ZDHHC15: variants seen among roughly 807,000 people sequenced by gnomAD.
The protein encoded by ZDHHC15 is zDHHC palmitoyltransferase 15.
Under a neutral mutation model 31.7 loss-of-function variants are expected in ZDHHC15, and 19 were observed. The ratio of observed to expected loss-of-function variants is 0.60; its 90% confidence interval spans 0.42 to 0.88. ZDHHC15 has a LOEUF of 0.88. Ranked by LOEUF, ZDHHC15 falls within the 40% of genes least tolerant of loss-of-function variation. ZDHHC15 has a pLI of 0.00. For synonymous variants in ZDHHC15, 103 were observed against 90.0 expected (o/e 1.14, Z -0.82); for missense variants, 209 against 251.2 (o/e 0.83, Z 1.14).
intron 3 of ZDHHC15, among the ~76,000 whole-genome samples, chrX:75,471,504 G>A (rs756998227): frequency 7.1e-5 from 8 of 112,006 alleles, no homozygotes; most frequent in African/African-American, 2.6e-4. Context: ...AGTGGTGTGA[G>A]GCCGTCAAAA....
At chrX:75,472,944 G>T (rs2084527124) in intron 3 of ZDHHC15, among the ~76,000 whole-genome samples, 2 of 112,258 alleles carry the variant, frequency 1.8e-5, no homozygotes, top group Admixed American at 1.9e-4. Context: ...CATTTATTAG[G>T]AATGGGCAGA....
chrX:75,443,174 A>T (rs1195127929), intron 4 of ZDHHC15, among the ~76,000 whole-genome samples: 2 of 109,900 alleles, frequency 1.8e-5, no homozygotes, highest in Non-Finnish European at 3.8e-5. Flanking sequence ...AAGCCAAAAG[A>T]ACAAAGCTGG....
chrX:75,474,753 A>C (rs1430691110), intron 3 of ZDHHC15, among the ~76,000 whole-genome samples: 2 of 110,200 alleles, frequency 1.8e-5, no homozygotes, highest in Non-Finnish European at 3.8e-5. Flanking sequence ...AATTGAAATT[A>C]TTTTTTAAAA....
At position 75,467,665 on chromosome X, in the gene ZDHHC15, G is replaced by T. The variant is rs1228313939; in HGVS notation, c.258+11226C>A. The stretch of plus-strand genomic sequence containing the variant: ...CTGTCATCATCTCACCCAGGTTAGG[G>T]CTATGAAATTCCCAAACAATCAGAC... On this transcript the variant is annotated intron_variant, in intron 3 of 11. Coordinates refer to ENST00000373367, the MANE Select transcript of ZDHHC15 (RefSeq NM_144969.3). Among the ~76,000 whole-genome samples, 4 of 112,248 alleles carry T rather than the reference G, an allele frequency of 3.6e-5. 1 individual carries two copies. The highest frequency in any genetic ancestry group is 3.8e-5 in the Non-Finnish European group (2 of 53,241).
At position 75,370,221 on chromosome X, in the gene ZDHHC15, T is replaced by G. The variant is rs1034263809; in HGVS notation, c.*2757A>C. 1.8e-5 allele frequency: 2 copies of G among 111,681 alleles called. No homozygotes were observed. Among genetic ancestry groups the G allele is most frequent in the African/African-American group, 6.5e-5 (2 of 30,708 alleles). The allele number at this position is 111,681 out of a possible 1,213,427, so 9.2% of individuals were successfully genotyped here. On this transcript the variant is annotated 3_prime_UTR_variant, in exon 12 of 12. Coordinates refer to ENST00000373367, the MANE Select transcript of ZDHHC15 (RefSeq NM_144969.3). ...AGGATCCTAACAATGAGTATCTTCATTTTGCAAACGGAGAAAATGAGTATC... is the reference window on the plus strand; with the variant it reads ...AGGATCCTAACAATGAGTATCTTCAGTTTGCAAACGGAGAAAATGAGTATC...
intron 2 of ZDHHC15, among the ~76,000 whole-genome samples, chrX:75,500,274 A>G (rs1036139164): frequency 9.1e-6 from 1 of 109,694 alleles, no homozygotes; most frequent in Non-Finnish European, 1.9e-5. Context: ...TTGAAATAAT[A>G]ATAATAATAA....
chrX:75,431,344 G>C, intron 5 of ZDHHC15, 107 bp downstream of exon 5: 1 of 728,188 alleles, frequency 1.4e-6, no homozygotes, highest in Admixed American at 3.5e-5. Flanking sequence ...TAATTGAAAG[G>C]AAATGCTCTT....
At chrX:75,508,664 G>C (rs1000868176) in intron 1 of ZDHHC15, among the ~76,000 whole-genome samples, 3 of 110,686 alleles carry the variant, frequency 2.7e-5, no homozygotes. Context: ...TATATACCCA[G>C]TAATGGGGTG....
At chrX:75,384,953 A>G in intron 10 of ZDHHC15, 2 of 431,326 alleles carry the variant, frequency 4.6e-6, no homozygotes, top group Non-Finnish European at 8.1e-6. Context: ...ATGGAAATAC[A>G]TAAGGGCAAT....
intron 3 of ZDHHC15, among the ~76,000 whole-genome samples, chrX:75,453,256 A>G (rs2084155102): frequency 8.9e-6 from 1 of 112,099 alleles, no homozygotes. Context: ...AGAATACTAT[A>G]AACACCTCTA....
chrX:75,422,236 AG>A lies in ZDHHC15; in HGVS notation c.737-247del, dbSNP rs1395852702. On this transcript the variant is annotated intron_variant, in intron 8 of 11. Transcript: ENST00000373367. ...AATTAGAACTCTCTTTTTAAAAGAC[AG>A]GGGAAACACATGGTGGCAGAAATAA... Among the ~76,000 whole-genome samples, 3 of 111,873 alleles carry A rather than the reference AG, an allele frequency of 2.7e-5. No individual in the cohort carries two copies. In the Admixed American group the frequency reaches 2.9e-4, roughly 11 times the overall value.
At chrX:75,400,372 A>G (rs764358909) in intron 10 of ZDHHC15, among the ~76,000 whole-genome samples, 55 of 111,855 alleles carry the variant, frequency 4.9e-4, no homozygotes, top group Non-Finnish European at 8.5e-4. Context: ...AAGCTGAGGA[A>G]AGAATCTCAG....
chrX:75,407,569 G>A (rs752406610), intron 10 of ZDHHC15, among the ~76,000 whole-genome samples: 305 of 109,032 alleles, frequency 2.8e-3, no homozygotes, highest in Non-Finnish European at 5.1e-3. Context: ...CCCCCGCCCG[G>A]CCAGCTGCCC....
At chrX:75,488,932 C>T (rs1032155121) in intron 2 of ZDHHC15, among the ~76,000 whole-genome samples, 3 of 112,106 alleles carry the variant, frequency 2.7e-5, no homozygotes, top group African/African-American at 6.5e-5. Context: ...TCTTAGCAAA[C>T]GGCACACCAG....
At chrX:75,478,796 C>G (rs993736425) in intron 3 of ZDHHC15, 95 bp downstream of exon 3, 42 of 631,097 alleles carry the variant, frequency 6.7e-5, no homozygotes, top group Admixed American at 1.7e-4. Flanking sequence ...CTGACTCTTT[C>G]GTATTATTTA....
chrX:75,483,288 C>A (rs776422631), intron 2 of ZDHHC15, among the ~76,000 whole-genome samples: 248 of 109,957 alleles, frequency 2.3e-3, no homozygotes, highest in African/African-American at 7.7e-3. Flanking sequence ...AGATGAACCA[C>A]GGGTTTGTTA....
chrX:75,487,279 C>T (rs1296364938), intron 2 of ZDHHC15, among the ~76,000 whole-genome samples: 1 of 112,459 alleles, frequency 8.9e-6, no homozygotes, highest in Non-Finnish European at 1.9e-5. Context: ...GAGTCCACTT[C>T]ACTCCCCTGC....
At chrX:75,466,792 A>G in intron 3 of ZDHHC15, among the ~76,000 whole-genome samples, 1 of 109,092 alleles carries the variant, frequency 9.2e-6, no homozygotes, top group Non-Finnish European at 1.9e-5. Flanking sequence ...CTAACACAGG[A>G]ACAGATAACC....
chrX:75,510,754 G>A (rs1298592090), intron 1 of ZDHHC15, among the ~76,000 whole-genome samples: 2 of 73,722 alleles, frequency 2.7e-5, no homozygotes, highest in Admixed American at 1.8e-4. Flanking sequence ...AGTCCCCAGA[G>A]TGTGATATTC....
Sources: allele counts gnomAD v4.1 joint callset (sites outside exome capture counted in the v4.1 genomes callset), GRCh38; gene constraint gnomAD v4.1.1; transcripts MANE v1.5; gene names NCBI Gene and HGNC (gene_info 2026-07-23, HGNC 2026-07-21).